Variants in FOXP1 observed in about 807,000 individuals in gnomAD.
FOXP1 encodes the protein forkhead box protein P1.
FOXP1 carries 15 observed loss-of-function variants against 98.2 expected under a neutral mutation model. That is an observed-to-expected ratio of 0.15 (90% CI 0.10 to 0.24). FOXP1 has a LOEUF of 0.24. Ranked by LOEUF, FOXP1 falls within the 10% of genes least tolerant of loss-of-function variation. FOXP1 has a pLI of 1.00. For synonymous variants in FOXP1, 371 were observed against 314.5 expected, an observed-to-expected ratio of 1.18 and a Z score of -1.90; for missense variants, 633 against 848.5, an observed-to-expected ratio of 0.75 and a Z score of 3.15.
intron 2 of FOXP1, among the ~76,000 whole-genome samples, chr3:71,576,346 A>G (rs1324232103): frequency 6.6e-6 from 1 of 152,148 alleles, no homozygotes; most frequent in Non-Finnish European, 1.5e-5. Context: ...AAAAAAAACT[A>G]TTTTATTAAA....
rs956997664 is a variant in FOXP1 at position 71,498,630 on chromosome 3, T to C, written c.-297-5075A>G. ...GAACTGCAGAATTTCAAGCAGTGGA[T>C]TGATAACAGACAACATGCTCATCAC... On this transcript the variant is annotated intron_variant, in intron 2 of 20. Coordinates refer to ENST00000649528, the MANE Select transcript of FOXP1 (RefSeq NM_001349338.3). Among the ~76,000 whole-genome samples, 11 of 152,174 alleles carry C rather than the reference T, an allele frequency of 7.2e-5. No homozygotes were observed. The South Asian group carries it at 8.3e-4, about 11-fold the overall frequency.
At position 71,030,653 on chromosome 3, in the gene FOXP1, TC is replaced by T. The variant is rs2046743040; in HGVS notation, c.869+10674del. 2.0e-5 allele frequency among the ~76,000 whole-genome samples: 3 copies of T among 152,346 alleles called. No homozygotes were observed. The South Asian group carries it at 6.2e-4, about 32-fold the overall frequency. On this transcript the variant is annotated intron_variant, in intron 11 of 20. Coordinates refer to ENST00000649528, the MANE Select transcript of FOXP1 (RefSeq NM_001349338.3). ...GTTGAATGGATATACCTTGGAAGTG[TC>T]CTGTGACTTCTGTCCCACTGAGGAA...
intron 5 of FOXP1, among the ~76,000 whole-genome samples, chr3:71,263,018 C>T (rs1239739318): frequency 6.6e-6 from 1 of 152,140 alleles, no homozygotes; most frequent in African/African-American, 2.4e-5. Context: ...GGGCTTCTCA[C>T]GCAGTGCCTG....
rs144128695 is a variant in FOXP1 at position 71,226,242 on chromosome 3, C to T, written c.-11-27850G>A. ...TAACTCAAGTCCCTCTGGTTAGGAA[C>T]TGGTGTGTCTTGCTTTGGCTCTTGA... On this transcript the variant is annotated intron_variant, in intron 5 of 20. Transcript: ENST00000649528. Among the ~76,000 whole-genome samples the T allele has an allele frequency of 2.0e-5, 3 of 152,336 alleles. No homozygotes were observed. In the East Asian group the frequency reaches 5.8e-4, roughly 29 times the overall value.
At chr3:70,988,215 C>G (rs2040063869) in intron 13 of FOXP1, 138 bp from the exon 14 acceptor site, 2 of 854,998 alleles carry the variant, frequency 2.3e-6, no homozygotes, top group African/African-American at 3.3e-5. Context: ...TTTTTGAAAT[C>G]TACATGACCA....
chr3:71,053,852 A>G, intron 7 of FOXP1, 79 bp from the exon 8 acceptor site: 13 of 1,531,114 alleles, frequency 8.5e-6, no homozygotes, highest in Non-Finnish European at 1.2e-5. Context: ...GCTGACTGCC[A>G]TCAGCCTGCT....
intron 2 of FOXP1, among the ~76,000 whole-genome samples, chr3:71,578,495 T>A (rs577329871): frequency 1.3e-5 from 2 of 152,362 alleles, no homozygotes; most frequent in South Asian, 4.1e-4. Flanking sequence ...TGTCTAAATA[T>A]ACATACTTTT....
chr3:71,198,699 CTT>C (rs1002051239), intron 5 of FOXP1, among the ~76,000 whole-genome samples: 1 of 146,274 alleles, frequency 6.8e-6, no homozygotes, highest in Non-Finnish European at 1.5e-5. Context: ...TTTCTTTTTT[CTT>C]TTTTTTTTTG....
intron 10 of FOXP1, among the ~76,000 whole-genome samples, chr3:71,045,510 C>T (rs958911231): frequency 1.3e-5 from 2 of 152,168 alleles, no homozygotes; most frequent in Admixed American, 1.3e-4. Context: ...CACGCTATGA[C>T]ATTCTGCAAG....
intron 17 of FOXP1, among the ~76,000 whole-genome samples, chr3:70,973,894 G>C (rs997029456): frequency 5.7e-5 from 7 of 122,706 alleles, no homozygotes; most frequent in Non-Finnish European, 9.5e-5. Flanking sequence ...TTTCCTTCCT[G>C]AATTATCCTT....
intron 7 of FOXP1, among the ~76,000 whole-genome samples, chr3:71,100,844 A>C (rs2056890755): frequency 1.3e-5 from 2 of 152,170 alleles, no homozygotes; most frequent in South Asian, 2.1e-4. Context: ...GGGACATCTA[A>C]TTTAATGCAA....
chr3:71,536,264 G>A (rs1343637105), intron 2 of FOXP1, among the ~76,000 whole-genome samples: 1 of 151,956 alleles, frequency 6.6e-6, no homozygotes, highest in Non-Finnish European at 1.5e-5. Flanking sequence ...AATATTTTAG[G>A]CCAAAGAAGA....
chr3:71,126,184 A>AT (rs1422780591), intron 6 of FOXP1, among the ~76,000 whole-genome samples: 1 of 152,214 alleles, frequency 6.6e-6, no homozygotes, highest in Admixed American at 6.5e-5. Context: ...TGGGGATATG[A>AT]TTAAGAAAAG....
chr3:71,279,398 G>A (rs531797948), intron 5 of FOXP1, among the ~76,000 whole-genome samples: 51 of 152,104 alleles, frequency 3.4e-4, no homozygotes, highest in Admixed American at 5.9e-4. Context: ...CGATGTCTAC[G>A]GATACTTTTT....
In FOXP1 at chr3:71,201,273, G is replaced by T. The variant is rs187265448; in HGVS notation, c.-11-2881C>A. ...GAGTGCCTTGTTCATCACCAAAAAA[G>T]AAATGAATTAGTGAAACCTAGGTAC... is the stretch of plus-strand genomic sequence containing the variant. On this transcript the variant is annotated intron_variant, in intron 5 of 20. Transcript: ENST00000649528. Among the ~76,000 whole-genome samples, 265 of 152,312 alleles carry T rather than the reference G, an allele frequency of 1.7e-3. 1 individual carries two copies. Among genetic ancestry groups the T allele is most frequent in the Admixed American group, 4.3e-3 (66 of 15,300 alleles).
intron 5 of FOXP1, among the ~76,000 whole-genome samples, chr3:71,255,028 T>C (rs769224334): frequency 1.1e-4 from 16 of 151,916 alleles, no homozygotes; most frequent in Non-Finnish European, 2.4e-4. Flanking sequence ...AAGCAGTGAG[T>C]CGGTGATCAC....
chr3:71,007,215 T>C (rs1300356116), intron 12 of FOXP1, among the ~76,000 whole-genome samples: 3 of 152,198 alleles, frequency 2.0e-5, no homozygotes, highest in Non-Finnish European at 4.4e-5. Context: ...CAGCTCATTT[T>C]GCAATACTCA....
chr3:71,050,427 C>A (rs2049717511), intron 9 of FOXP1, among the ~76,000 whole-genome samples: 1 of 152,120 alleles, frequency 6.6e-6, no homozygotes, highest in South Asian at 2.1e-4. Flanking sequence ...CAGTGGCAGC[C>A]CTTTTTTGTT....
At chr3:70,967,288 G>C (rs867615844) in intron 19 of FOXP1, among the ~76,000 whole-genome samples, 1 of 152,156 alleles carries the variant, frequency 6.6e-6, no homozygotes. Flanking sequence ...TATGACAATC[G>C]CAGCCTCACT....
Sources: allele counts gnomAD v4.1 joint callset (sites outside exome capture counted in the v4.1 genomes callset), GRCh38; gene constraint gnomAD v4.1.1; transcripts MANE v1.5; gene names NCBI Gene and HGNC (gene_info 2026-07-23, HGNC 2026-07-21).